HADHB: variants seen among roughly 807,000 people sequenced by gnomAD.
HADHB encodes the protein hydroxyacyl-CoA dehydrogenase trifunctional multienzyme complex subunit beta, also known as trifunctional enzyme subunit beta, mitochondrial.
In HADHB, 50 loss-of-function variants were observed where a neutral mutation model predicts 61.9. The ratio of observed to expected loss-of-function variants is 0.81; its 90% CI spans 0.64 to 1.02. The LOEUF (loss-of-function observed/expected upper bound fraction) is 1.02. Among genes scored for constraint, HADHB ranks in the 50% least tolerant of loss-of-function variants. The pLI is 0.00. For missense variants in HADHB, 504 were observed against 586.5 expected, an observed-to-expected ratio of 0.86 and a Z score of 1.45; for synonymous variants, 191 against 201.6, an observed-to-expected ratio of 0.95 and a Z score of 0.45.
At chr2:26,289,260 TA>T (rs1673168946) in intron 15 of HADHB, among the ~76,000 whole-genome samples, 2 of 151,658 alleles carry the variant, frequency 1.3e-5, no homozygotes, top group South Asian at 4.2e-4. Flanking sequence ...AAATAATAAA[TA>T]AAAAAAATAA....
chr2:26,254,411 A>G lies in HADHB; in HGVS notation c.65-19A>G, dbSNP rs749500988. 10 of 1,593,254 alleles carry G rather than the reference A, an allele frequency of 6.3e-6. No homozygotes were observed. The Admixed American group carries it at 1.2e-4, about 19-fold the overall frequency. On this transcript the variant is annotated intron_variant, in intron 2 of 15. Coordinates refer to ENST00000317799, the MANE Select transcript of HADHB (RefSeq NM_000183.3). ...CTGAATGGTATTGCTTTTTGTAAAC[A>G]GTTTATTTTGTCTTCCAGCCATAAG...
intron 10 of HADHB, among the ~76,000 whole-genome samples, chr2:26,280,578 T>C (rs57478395): frequency 0.044 from 6,743 of 151,732 alleles, 481 homozygotes; most frequent in African/African-American, 0.15. Context: ...TCAGGCCGGG[T>C]GCGGTGGCTC....
intron 15 of HADHB, among the ~76,000 whole-genome samples, chr2:26,289,317 A>G (rs1673172152): frequency 6.6e-6 from 1 of 152,172 alleles, no homozygotes; most frequent in Admixed American, 6.5e-5. Context: ...CCCTCAGATC[A>G]TTATCTTAAC....
chr2:26,255,320 C>CA (rs1671561938), intron 3 of HADHB, among the ~76,000 whole-genome samples: 1 of 151,796 alleles, frequency 6.6e-6, no homozygotes, highest in African/African-American at 2.4e-5. Flanking sequence ...GTCAACATGG[C>CA]GAAACCCCAT....
In HADHB at chr2:26,262,337, G is replaced by C. The variant is rs72849985; in HGVS notation, c.110-1043G>C. Among the ~76,000 whole-genome samples the C allele has an allele frequency of 6.3e-3, 952 of 152,004 alleles. 8 individuals carry two copies. Among genetic ancestry groups the C allele is most frequent in the African/African-American group, 0.021 (890 of 41,432 alleles). ...GATATACTAACATGGAATGTTCTTC[G>C]AGCTATATTGTTAAGCCAATAAAAT... On this transcript the variant is annotated intron_variant, in intron 3 of 15. Transcript: ENST00000317799.
chr2:26,289,047 G>A (rs1014468523), intron 15 of HADHB, among the ~76,000 whole-genome samples: 3 of 151,914 alleles, frequency 2.0e-5, no homozygotes, highest in Non-Finnish European at 2.9e-5. Flanking sequence ...TCAGGATATC[G>A]AGACCATCCT....
chr2:26,261,245 T>C (rs897595639), intron 3 of HADHB: 7 of 492,814 alleles, frequency 1.4e-5, no homozygotes, highest in African/African-American at 1.2e-4. Flanking sequence ...AAAAAAAGTA[T>C]CTTTTATTGT....
At chr2:26,249,529 A>G (rs1175581942) in intron 1 of HADHB, among the ~76,000 whole-genome samples, 1 of 152,096 alleles carries the variant, frequency 6.6e-6, no homozygotes, top group African/African-American at 2.4e-5. Context: ...AAATAAATAA[A>G]TAAAGGAGAT....
At chr2:26,264,553 C>CAAAAAAAA (rs34189488) in intron 4 of HADHB, among the ~76,000 whole-genome samples, 1 of 73,724 alleles carries the variant, frequency 1.4e-5, no homozygotes, top group Non-Finnish European at 2.4e-5. Context: ...GACTCCATCT[C>CAAAAAAAA]AAAAAAAAAA....
At chr2:26,247,757 C>G (rs572353296) in intron 1 of HADHB, among the ~76,000 whole-genome samples, 32 of 152,174 alleles carry the variant, frequency 2.1e-4, no homozygotes, top group Admixed American at 1.6e-3. Context: ...TGTAAGTAGT[C>G]TAGAGATGAT....
intron 10 of HADHB, among the ~76,000 whole-genome samples, chr2:26,281,704 A>T (rs1246389663): frequency 2.0e-5 from 3 of 152,202 alleles, no homozygotes; most frequent in African/African-American, 7.2e-5. Context: ...GGCACATTGA[A>T]CCTGTTATTA....
rs1671944488 is a variant in HADHB, at chr2:26,263,476, C to T, written c.206C>T (p.Thr69Ile). ...GVRTPFLLSG[T>I]SYKDLMPHDL... The stretch of plus-strand genomic sequence containing the variant: ...CGCACTCCATTTTTGCTGTCTGGCA[C>T]TTCGTAAGTATGACATGATCATATT... Residue 69 changes from threonine (T) to isoleucine (I), a missense_variant, in exon 4 of 16, where the codon ACT becomes ATT. Thr to Ile is a moderately conservative substitution (Grantham distance 89). Transcript: ENST00000317799. 6.4e-7 allele frequency: 1 copy of T among 1,563,506 alleles called. No individual in the cohort carries two copies. Among genetic ancestry groups the T allele is most frequent in the Non-Finnish European group, 8.8e-7 (1 of 1,133,858 alleles).
At chr2:26,256,543 A>G (rs994015986) in intron 3 of HADHB, among the ~76,000 whole-genome samples, 4 of 151,982 alleles carry the variant, frequency 2.6e-5, no homozygotes, top group Non-Finnish European at 4.4e-5. Context: ...ATATATATAT[A>G]TATACACACA....
rs753831601 is a variant in HADHB at position 26,269,991 on chromosome 2, C to T, written c.248C>T (p.Ala83Val). ...DLMPHDLARAALTGLLHRTSV... is the reference protein window; with the variant it reads ...DLMPHDLARAVLTGLLHRTSV... ...ATGCCACATGATTTGGCTAGAGCAG[C>T]GCTTACGTAAGTAAATGCAGTTTCA... The change falls in exon 5 of 16, where the codon GCG (alanine) becomes GTG (valine). Residue 83 changes from alanine to valine, a missense_variant. Ala to Val is a moderately conservative substitution (Grantham distance 64, BLOSUM62 0). Transcript: ENST00000317799. 5.4e-5 allele frequency: 87 copies of T among 1,598,286 alleles called. No homozygotes were observed. The highest frequency in any genetic ancestry group is 1.7e-4 in the Middle Eastern group (1 of 6,044).
intron 4 of HADHB, among the ~76,000 whole-genome samples, chr2:26,267,021 A>G (rs1672115312): frequency 6.6e-6 from 1 of 152,042 alleles, no homozygotes; most frequent in African/African-American, 2.4e-5. Context: ...AAAACTACTC[A>G]TGGTTCTCCT....
chr2:26,272,653 T>A (rs1672392752), intron 5 of HADHB, among the ~76,000 whole-genome samples: 1 of 152,058 alleles, frequency 6.6e-6, no homozygotes, highest in Non-Finnish European at 1.5e-5. Context: ...CCGGCTGATA[T>A]GGTCCCATTT....
intron 15 of HADHB, among the ~76,000 whole-genome samples, chr2:26,286,194 C>G (rs570600719): frequency 1.3e-5 from 2 of 152,136 alleles, no homozygotes; most frequent in Non-Finnish European, 2.9e-5. Context: ...TCTATAATCT[C>G]CCCATCAGAC....
intron 4 of HADHB, among the ~76,000 whole-genome samples, chr2:26,268,833 G>A (rs1485545921): frequency 6.6e-6 from 1 of 152,150 alleles, no homozygotes; most frequent in Admixed American, 6.5e-5. Flanking sequence ...TCATGGTTAT[G>A]TAAGATGTCA....
At chr2:26,264,988 T>TC (rs1467234070) in intron 4 of HADHB, among the ~76,000 whole-genome samples, 2 of 145,850 alleles carry the variant, frequency 1.4e-5, no homozygotes, top group East Asian at 4.0e-4. Flanking sequence ...AGACCCTGTT[T>TC]CAAAAAAAAA....
Sources: allele counts gnomAD v4.1 joint callset (sites outside exome capture counted in the v4.1 genomes callset), GRCh38; gene constraint gnomAD v4.1.1; transcripts MANE v1.5; gene names NCBI Gene and HGNC (gene_info 2026-07-23, HGNC 2026-07-21).